PLGRKT: variants seen among roughly 807,000 people sequenced by gnomAD.
PLGRKT encodes plasminogen receptor with a C-terminal lysine.
PLGRKT carries 22 observed loss-of-function variants against 18.5 expected under a neutral mutation model. The ratio of observed to expected loss-of-function variants is 1.19; its 90% CI spans 0.85 to 1.70. The LOEUF (loss-of-function observed/expected upper bound fraction) is 1.70, where lower values mean the gene tolerates loss of function less well. PLGRKT is among the 40% of genes most tolerant of loss of function. The probability of loss-of-function intolerance (pLI) is 0.00; values close to 1 mark genes in which losing one functional copy is unlikely to be tolerated. For missense variants in PLGRKT, 235 were observed against 174.4 expected (o/e 1.35, Z -1.96); for synonymous variants, 72 against 52.8 (o/e 1.36, Z -1.58).
intron 3 of PLGRKT, among the ~76,000 whole-genome samples, chr9:5,371,681 G>T (rs747681728): frequency 4.6e-5 from 7 of 152,076 alleles, no homozygotes; most frequent in Non-Finnish European, 7.4e-5. Flanking sequence ...TAAAATTCTT[G>T]AAAGTCACAG....
chr9:5,368,650 T>C (rs1309497878), intron 3 of PLGRKT, among the ~76,000 whole-genome samples: 1 of 152,152 alleles, frequency 6.6e-6, no homozygotes, highest in Admixed American at 6.6e-5. Flanking sequence ...ACCATTTGGG[T>C]GATGGAATCA....
Position 5,385,650 on chromosome 9 carries a change from T to C in PLGRKT, c.82-23762A>G, listed in dbSNP as rs567920571. ...GAAAGTAAGGAAGAACAGGGTCTGC[T>C]GTGTGAAGTCTCATGAGTAAGGAGG... On this transcript the variant is annotated intron_variant, in intron 3 of 5. Transcript: ENST00000223864. Among the ~76,000 whole-genome samples, 3 of 151,948 alleles carry C rather than the reference T, an allele frequency of 2.0e-5. No individual in the cohort carries two copies. In the South Asian group the frequency reaches 6.2e-4, roughly 31 times the overall value.
intron 3 of PLGRKT, among the ~76,000 whole-genome samples, chr9:5,398,854 T>G (rs1023586801): frequency 1.6e-4 from 24 of 151,824 alleles, no homozygotes; most frequent in Non-Finnish European, 1.5e-4. Context: ...GATGTATTAT[T>G]TTGAGCTAAA....
chr9:5,408,347 C>T (rs1401192225), intron 3 of PLGRKT, among the ~76,000 whole-genome samples: 1 of 152,194 alleles, frequency 6.6e-6, no homozygotes, highest in African/African-American at 2.4e-5. Flanking sequence ...GGAAGCGGAG[C>T]AGTCACTTCT....
intron 3 of PLGRKT, among the ~76,000 whole-genome samples, chr9:5,410,730 A>G (rs927709808): frequency 2.0e-5 from 3 of 152,216 alleles, no homozygotes; most frequent in African/African-American, 7.2e-5. Context: ...GATCCACAGT[A>G]GAAAATTAAA....
intron 3 of PLGRKT, among the ~76,000 whole-genome samples, chr9:5,375,649 G>A (rs1817613419): frequency 6.6e-6 from 1 of 152,192 alleles, no homozygotes; most frequent in South Asian, 2.1e-4. Context: ...CCAAGAGGAT[G>A]ACTATTATCC....
chr9:5,429,128 G>A (rs548464466), intron 3 of PLGRKT, among the ~76,000 whole-genome samples: 6 of 152,294 alleles, frequency 3.9e-5, no homozygotes, highest in African/African-American at 1.4e-4. Context: ...TGTGATGTGT[G>A]TCAACACTCT....
Position 5,381,942 on chromosome 9 carries a change from C to A in PLGRKT, c.82-20054G>T, listed in dbSNP as rs1018177342. The A allele has an allele frequency of 8.1e-6, 8 of 984,908 alleles. No individual in the cohort carries two copies. The South Asian group carries it at 3.8e-4, about 46-fold the overall frequency. The allele number at this position is 984,908 out of a possible 1,614,324, so 61.0% of individuals were successfully genotyped here. ...GGAAGAGTCTGCTCCGAGACAGGGC[C>A]TCCATGCCTGAGCCAGCTCTCAAGC... On this transcript the variant is annotated intron_variant, in intron 3 of 5. Coordinates refer to ENST00000223864, the MANE Select transcript of PLGRKT (RefSeq NM_018465.4).
chr9:5,394,245 T>A (rs1002666694), intron 3 of PLGRKT, among the ~76,000 whole-genome samples: 1 of 151,786 alleles, frequency 6.6e-6, no homozygotes, highest in African/African-American at 2.4e-5. Context: ...CCTGATGAAC[T>A]GAGGGTGAGC....
intron 3 of PLGRKT, among the ~76,000 whole-genome samples, chr9:5,417,416 C>A (rs1818484962): frequency 6.6e-6 from 1 of 151,958 alleles, no homozygotes; most frequent in East Asian, 1.9e-4. Flanking sequence ...AGAGCTACAA[C>A]TAGAAAACTT....
intron 3 of PLGRKT, among the ~76,000 whole-genome samples, chr9:5,370,028 A>G (rs1304908934): frequency 6.6e-6 from 1 of 152,092 alleles, no homozygotes; most frequent in East Asian, 1.9e-4. Context: ...CCATGGCACT[A>G]TGTAACAAAC....
intron 3 of PLGRKT, among the ~76,000 whole-genome samples, chr9:5,415,437 T>C (rs1818441882): frequency 6.6e-6 from 1 of 152,206 alleles, no homozygotes; most frequent in African/African-American, 2.4e-5. Context: ...TAATAACTGT[T>C]GCATGTAAGA....
At chr9:5,432,420 T>C (rs1348857505) in intron 2 of PLGRKT, among the ~76,000 whole-genome samples, 1 of 152,244 alleles carries the variant, frequency 6.6e-6, no homozygotes, top group African/African-American at 2.4e-5. Flanking sequence ...ATTAAGAAGA[T>C]GCCTTGTGCG....
chr9:5,418,952 C>T lies in PLGRKT; in HGVS notation c.81+12945G>A. 1.3e-6 allele frequency: 1 copy of T among 755,140 alleles called. No individual in the cohort carries two copies. Among genetic ancestry groups the T allele is most frequent in the Non-Finnish European group, 2.2e-6 (1 of 457,148 alleles). 46.8% of individuals were successfully genotyped at this position (755,140 alleles called of 1,614,324 possible). ...AATTAAAACAGATCTGACATTCTAG[C>T]AGAGTCCTGGGACAGCGTCTCCATG... On this transcript the variant is annotated intron_variant, in intron 3 of 5. Transcript: ENST00000223864. This position sits in a 1 kb window ranked among gnomAD's most constrained non-coding sequence, Gnocchi z 4.2.
At chr9:5,370,206 T>A (rs541163663) in intron 3 of PLGRKT, among the ~76,000 whole-genome samples, 7 of 152,240 alleles carry the variant, frequency 4.6e-5, no homozygotes, top group Non-Finnish European at 1.0e-4. Flanking sequence ...CTGTGTATTT[T>A]CATTCTTCAA....
Position 5,394,439 on chromosome 9 carries a change from G to T in PLGRKT, c.82-32551C>A, listed in dbSNP as rs1235016573. ...TTTGTTTGTTTGTTTTTGAGAAGGAGTCTCGCTGTGTTGCCCAGGCTGGAG... is the reference window on the plus strand; with the variant it reads ...TTTGTTTGTTTGTTTTTGAGAAGGATTCTCGCTGTGTTGCCCAGGCTGGAG... On this transcript the variant is annotated intron_variant, in intron 3 of 5. Coordinates refer to ENST00000223864, the MANE Select transcript of PLGRKT (RefSeq NM_018465.4). Among the ~76,000 whole-genome samples, 2 of 151,920 alleles carry T rather than the reference G, an allele frequency of 1.3e-5. 1 individual carries two copies. The highest frequency in any genetic ancestry group is 4.9e-5 in the African/African-American group (2 of 41,196).
chr9:5,388,470 T>G (rs970818919), intron 3 of PLGRKT, among the ~76,000 whole-genome samples: 7 of 152,012 alleles, frequency 4.6e-5, no homozygotes, highest in Admixed American at 6.5e-5. Context: ...AAAATCTATA[T>G]AAACTCACTA....
chr9:5,371,793 C>A (rs1419017783), intron 3 of PLGRKT, among the ~76,000 whole-genome samples: 1 of 151,828 alleles, frequency 6.6e-6, no homozygotes, highest in Non-Finnish European at 1.5e-5. Context: ...TTCATTTATC[C>A]TGTATTTCCT....
At chr9:5,402,441 T>C (rs1818172182) in intron 3 of PLGRKT, among the ~76,000 whole-genome samples, 1 of 151,860 alleles carries the variant, frequency 6.6e-6, no homozygotes, top group Non-Finnish European at 1.5e-5. Flanking sequence ...TGGTACTGCC[T>C]AAAAGGATCT....
Sources: gnomAD v4.1 joint callset for allele counts (sites outside exome capture counted in the v4.1 genomes callset) on GRCh38, gnomAD v4.1.1 for gene constraint, Gnocchi (gnomAD v3.1) non-coding constraint, MANE v1.5 for transcripts, NCBI Gene and HGNC (gene_info 2026-07-23, HGNC 2026-07-21) for gene names.